The following MYOZ2 variants were observed in gnomAD, a reference collection of about 807,000 sequenced individuals.
MYOZ2 encodes myozenin 2.
MYOZ2 carries 19 observed loss-of-function variants against 25.4 expected under a neutral mutation model. The observed-to-expected ratio is 0.75, with a 90% CI of 0.52 to 1.10. MYOZ2 has a LOEUF of 1.10. MYOZ2 is among the 50% of genes least tolerant of loss of function. The pLI is 0.00. For synonymous variants in MYOZ2, 92 were observed against 106.9 expected (o/e 0.86, Z 0.86); for missense variants, 270 against 317.9 (o/e 0.85, Z 1.15).
intron 5 of MYOZ2, among the ~76,000 whole-genome samples, chr4:119,171,737 T>G (rs1289485300): frequency 6.7e-6 from 1 of 149,312 alleles, no homozygotes; most frequent in African/African-American, 2.4e-5. Flanking sequence ...TATTTTCTGA[T>G]TATTAAATAA....
intron 4 of MYOZ2, among the ~76,000 whole-genome samples, chr4:119,162,428 G>A (rs1741732181): frequency 6.6e-6 from 1 of 152,174 alleles, no homozygotes; most frequent in African/African-American, 2.4e-5. Context: ...GAGGCTGGCT[G>A]GGAGAGGGTT....
chr4:119,155,573 A>T (rs868103235), intron 3 of MYOZ2, among the ~76,000 whole-genome samples: 1 of 152,118 alleles, frequency 6.6e-6, no homozygotes, highest in Non-Finnish European at 1.5e-5. Context: ...AGCAGGTGAA[A>T]CAGCTTGTGG....
chr4:119,158,119 G>A lies in MYOZ2; in HGVS notation c.344G>A (p.Arg115Gln), dbSNP rs775457082. ...ACTCCTCCCAACACCCCAGATCCAC[G>A]AAGCCCTCCAAATCCAGACAACATT... ...PLTPPNTPDP[R>Q]SPPNPDNIAP... Residue 115 changes from arginine (R) to glutamine (Q), a missense_variant, in exon 4 of 6, where the codon CGA becomes CAA. Coordinates refer to ENST00000307128, the MANE Select transcript of MYOZ2 (RefSeq NM_016599.5). The A allele has an allele frequency of 1.2e-6, 2 of 1,613,818 alleles. No individual in the cohort carries two copies. The highest frequency in any genetic ancestry group is 1.7e-5 in the Admixed American group (1 of 59,954).
intron 2 of MYOZ2, among the ~76,000 whole-genome samples, chr4:119,146,521 G>A (rs568088071): frequency 1.1e-4 from 16 of 152,114 alleles, no homozygotes; most frequent in African/African-American, 3.9e-4. Flanking sequence ...GTTTCCAAGT[G>A]TTTGGAGATT....
At chr4:119,138,821 CTTG>C (rs1417947537) in intron 2 of MYOZ2, among the ~76,000 whole-genome samples, 1 of 152,044 alleles carries the variant, frequency 6.6e-6, no homozygotes. Context: ...GGCTAAATCA[CTTG>C]TTGTCCTCTT....
At chr4:119,170,119 A>G (rs1041739252) in intron 5 of MYOZ2, among the ~76,000 whole-genome samples, 2 of 152,230 alleles carry the variant, frequency 1.3e-5, no homozygotes, top group African/African-American at 2.4e-5. Context: ...ATTCCTCTCC[A>G]TAACTCTCCA....
chr4:119,175,723 G>T (rs2149228462), intron 5 of MYOZ2, among the ~76,000 whole-genome samples: 2 of 151,382 alleles, frequency 1.3e-5, no homozygotes, highest in Non-Finnish European at 2.9e-5. Context: ...CTGCACTCCA[G>T]CCTGGGTGAC....
rs1007062325 is a variant in MYOZ2, at chr4:119,160,039, C to T, written c.376+1888C>T. 6.6e-5 allele frequency among the ~76,000 whole-genome samples: 10 copies of T among 152,276 alleles called. No homozygotes were observed. The East Asian group carries it at 1.9e-3, about 29-fold the overall frequency. Reference sequence around the variant, plus strand: ...TAGAATCAGACAGATCTGGGTTCAACCCTATGGCTCTTCCCATTTTACTAC... The same window carrying T: ...TAGAATCAGACAGATCTGGGTTCAATCCTATGGCTCTTCCCATTTTACTAC... On this transcript the variant is annotated intron_variant, in intron 4 of 5. Coordinates refer to ENST00000307128, the MANE Select transcript of MYOZ2 (RefSeq NM_016599.5).
intron 4 of MYOZ2, among the ~76,000 whole-genome samples, chr4:119,162,724 G>A (rs1247598322): frequency 6.6e-6 from 1 of 152,140 alleles, no homozygotes; most frequent in African/African-American, 2.4e-5. Context: ...TAATATGAGA[G>A]CCACTATTTT....
chr4:119,146,378 T>C (rs1275837788), intron 2 of MYOZ2, among the ~76,000 whole-genome samples: 2 of 152,110 alleles, frequency 1.3e-5, no homozygotes, highest in Non-Finnish European at 2.9e-5. Flanking sequence ...TAAATATTCC[T>C]CTCAGCACTG....
chr4:119,142,564 A>G (rs1741180451), intron 2 of MYOZ2, among the ~76,000 whole-genome samples: 1 of 152,176 alleles, frequency 6.6e-6, no homozygotes, highest in Non-Finnish European at 1.5e-5. Context: ...TTGTTGCAAA[A>G]TACCCTCATG....
At chr4:119,167,994 A>G (rs572246354) in intron 5 of MYOZ2, among the ~76,000 whole-genome samples, 5 of 149,098 alleles carry the variant, frequency 3.4e-5, no homozygotes, top group Non-Finnish European at 7.4e-5. Flanking sequence ...TTGTTTTGAG[A>G]CGGAGTCTCG....
At chr4:119,150,599 A>C (rs1741425000) in intron 2 of MYOZ2, among the ~76,000 whole-genome samples, 1 of 152,000 alleles carries the variant, frequency 6.6e-6, no homozygotes, top group Admixed American at 6.6e-5. Context: ...AGTAGTAATT[A>C]CAGCTAACTT....
At chr4:119,137,359 A>G (rs1051916962) in intron 2 of MYOZ2, among the ~76,000 whole-genome samples, 3 of 152,270 alleles carry the variant, frequency 2.0e-5, no homozygotes, top group African/African-American at 7.2e-5. Context: ...AACGTATAGC[A>G]TCAGTTTTAA....
Position 119,186,311 on chromosome 4 carries a change from T to G in MYOZ2, c.*111T>G. The G allele has an allele frequency of 1.3e-6, 1 of 787,916 alleles. No individual in the cohort carries two copies. The highest frequency in any genetic ancestry group is 2.1e-6 in the Non-Finnish European group (1 of 481,658). The allele number at this position is 787,916 out of a possible 1,614,324, so 48.8% of individuals were successfully genotyped here. On this transcript the variant is annotated 3_prime_UTR_variant, in exon 6 of 6. Coordinates refer to ENST00000307128, the MANE Select transcript of MYOZ2 (RefSeq NM_016599.5). ...TTTCATTAGTAGCAACAATAGCAATTTAGTGATTTTCCTTTTCTGACATTC... is the reference window on the plus strand; with the variant it reads ...TTTCATTAGTAGCAACAATAGCAATGTAGTGATTTTCCTTTTCTGACATTC...
chr4:119,139,006 A>G (rs925121168), intron 2 of MYOZ2, among the ~76,000 whole-genome samples: 5 of 152,202 alleles, frequency 3.3e-5, no homozygotes, highest in Admixed American at 3.3e-4. Context: ...AATTCTCTTC[A>G]TATAGATTAT....
At chr4:119,154,077 T>C (rs1171530350) in intron 3 of MYOZ2, among the ~76,000 whole-genome samples, 1 of 152,162 alleles carries the variant, frequency 6.6e-6, no homozygotes, top group African/African-American at 2.4e-5. Flanking sequence ...AGGGGAATTA[T>C]ACTATTAAAA....
chr4:119,151,180 T>C, intron 3 of MYOZ2, 139 bp downstream of exon 3: 1 of 895,834 alleles, frequency 1.1e-6, no homozygotes, highest in Non-Finnish European at 1.7e-6. Flanking sequence ...TTTATCATAA[T>C]GAATAGTTTA....
intron 5 of MYOZ2, among the ~76,000 whole-genome samples, chr4:119,185,010 C>G (rs1374074969): frequency 6.6e-6 from 1 of 152,198 alleles, no homozygotes; most frequent in African/African-American, 2.4e-5. Flanking sequence ...GAAGTTAGAA[C>G]TGCAAGACTA....
Sources: allele counts gnomAD v4.1 joint callset (sites outside exome capture counted in the v4.1 genomes callset), GRCh38; gene constraint gnomAD v4.1.1; transcripts MANE v1.5; gene names NCBI Gene and HGNC (gene_info 2026-07-23, HGNC 2026-07-21).